The following ZFAND3 variants were observed in gnomAD, a reference collection of about 807,000 sequenced individuals.
The protein encoded by ZFAND3 is AN1-type zinc finger protein 3.
A neutral mutation model predicts 29.6 loss-of-function variants in ZFAND3; 10 were observed. The ratio of observed to expected loss-of-function variants is 0.34; its 90% CI spans 0.21 to 0.57. The LOEUF (loss-of-function observed/expected upper bound fraction) is 0.57. Ranked by LOEUF, ZFAND3 falls within the 20% of genes least tolerant of loss-of-function variation. ZFAND3 has a pLI of 0.86. For missense variants in ZFAND3, 230 were observed against 304.5 expected (o/e 0.76, Z 1.82); for synonymous variants, 128 against 112.6 (o/e 1.14, Z -0.87).
intron 2 of ZFAND3, among the ~76,000 whole-genome samples, chr6:37,956,759 G>T (rs972296223): frequency 1.3e-5 from 2 of 152,154 alleles, no homozygotes; most frequent in Admixed American, 1.3e-4. Context: ...GAATTTTATT[G>T]AGGCACTTGC....
At chr6:38,003,520 C>T (rs866743737) in intron 2 of ZFAND3, among the ~76,000 whole-genome samples, 16 of 148,860 alleles carry the variant, frequency 1.1e-4, no homozygotes, top group Middle Eastern at 3.2e-3. Flanking sequence ...TTTTTTGAGA[C>T]GGTGCCTCAC....
rs558075830 is a variant in ZFAND3 at position 37,993,645 on chromosome 6, A to G, written c.112+63646A>G. The stretch of plus-strand genomic sequence containing the variant: ...CTTGGCCTGTTTTATTTTTAAAGAG[A>G]CTGTTTTTCTCCAAATTATTGATAA... On this transcript the variant is annotated intron_variant, in intron 2 of 5. Transcript: ENST00000287218. Among the ~76,000 whole-genome samples, 4 of 152,216 alleles carry G rather than the reference A, an allele frequency of 2.6e-5. No homozygotes were observed. In the East Asian group the frequency reaches 7.7e-4, roughly 29 times the overall value.
chr6:38,008,542 C>G (rs896293636), intron 2 of ZFAND3, among the ~76,000 whole-genome samples: 1 of 152,110 alleles, frequency 6.6e-6, no homozygotes, highest in Non-Finnish European at 1.5e-5. Context: ...AGTTTGAGTG[C>G]TCTATTTAAA....
chr6:37,895,005 G>A (rs1244406695), intron 1 of ZFAND3, among the ~76,000 whole-genome samples: 1 of 151,922 alleles, frequency 6.6e-6, no homozygotes, highest in Admixed American at 6.6e-5. Flanking sequence ...TATTTTTTGT[G>A]TTTAGTTTTG....
At chr6:37,985,499 C>CCA (rs5875607) in intron 2 of ZFAND3, among the ~76,000 whole-genome samples, 38,619 of 141,380 alleles carry the variant, frequency 0.27, 5,467 homozygotes, top group Non-Finnish European at 0.35. Flanking sequence ...GCTTGTGGTT[C>CCA]CACACACACA....
intron 2 of ZFAND3, among the ~76,000 whole-genome samples, chr6:38,055,563 A>G (rs889971466): frequency 1.3e-5 from 2 of 152,204 alleles, no homozygotes; most frequent in African/African-American, 4.8e-5. Flanking sequence ...TGCTTGACTC[A>G]CAGGAGGCGC....
At chr6:38,051,378 C>T (rs573035791) in intron 2 of ZFAND3, among the ~76,000 whole-genome samples, 1 of 152,274 alleles carries the variant, frequency 6.6e-6, no homozygotes, top group Non-Finnish European at 1.5e-5. Context: ...TACTTTTCTA[C>T]TTTTCTATTC....
intron 3 of ZFAND3, among the ~76,000 whole-genome samples, chr6:38,079,799 A>G (rs1581899468): frequency 1.3e-5 from 2 of 152,150 alleles, no homozygotes; most frequent in Admixed American, 6.6e-5. Flanking sequence ...GCTGGTTTAT[A>G]AAAGTACACT....
chr6:37,847,882 A>C (rs1456793448), intron 1 of ZFAND3, among the ~76,000 whole-genome samples: 1 of 152,240 alleles, frequency 6.6e-6, no homozygotes, highest in African/African-American at 2.4e-5. Flanking sequence ...GAACACGGTC[A>C]TGCTCATTTA....
intron 2 of ZFAND3, among the ~76,000 whole-genome samples, chr6:38,039,142 T>G (rs541701504): frequency 1.1e-4 from 16 of 152,310 alleles, no homozygotes; most frequent in African/African-American, 3.8e-4. Flanking sequence ...TTCTTTGTGT[T>G]TTGTTAATAA....
chr6:37,926,802 C>A (rs941021484), intron 1 of ZFAND3, among the ~76,000 whole-genome samples: 2 of 152,106 alleles, frequency 1.3e-5, no homozygotes, highest in Non-Finnish European at 2.9e-5. Context: ...TGTTCCAAGA[C>A]CATGCAAGTT....
At chr6:38,040,289 C>G (rs1445792987) in intron 2 of ZFAND3, among the ~76,000 whole-genome samples, 1 of 152,080 alleles carries the variant, frequency 6.6e-6, no homozygotes, top group Non-Finnish European at 1.5e-5. Flanking sequence ...TGGTAAAATT[C>G]ACTTAACATA....
intron 2 of ZFAND3, among the ~76,000 whole-genome samples, chr6:37,963,152 C>T (rs115778344): frequency 0.037 from 5,598 of 152,214 alleles, 148 homozygotes; most frequent in Non-Finnish European, 0.057. Context: ...TTTAAGTCAG[C>T]GAGACCAAGA....
At chr6:38,114,673 G>T (rs553002255) in intron 4 of ZFAND3, among the ~76,000 whole-genome samples, 1 of 151,842 alleles carries the variant, frequency 6.6e-6, no homozygotes, top group African/African-American at 2.4e-5. Flanking sequence ...GGGTCCACTG[G>T]ACAATCTTGG....
intron 3 of ZFAND3, 75 bp from the exon 4 acceptor site, chr6:38,082,317 C>T (rs1479823486): frequency 1.5e-6 from 2 of 1,336,960 alleles, no homozygotes; most frequent in Admixed American, 4.5e-5. Flanking sequence ...TAAAGTTTCT[C>T]TTTACTCAGG....
chr6:38,109,211 C>T (rs931934720), intron 4 of ZFAND3, among the ~76,000 whole-genome samples: 1 of 139,874 alleles, frequency 7.1e-6, no homozygotes, highest in African/African-American at 2.7e-5. Context: ...GAGACAGAGT[C>T]TTGCTCTGTC....
At chr6:37,889,095 A>G (rs73419447) in intron 1 of ZFAND3, among the ~76,000 whole-genome samples, 10,221 of 152,258 alleles carry the variant, frequency 0.067, 411 homozygotes, top group Non-Finnish European at 0.085. Context: ...GGTTGGGTTC[A>G]GCAGCTCTGC....
At chr6:38,047,866 G>A (rs928665787) in intron 2 of ZFAND3, among the ~76,000 whole-genome samples, 1 of 151,714 alleles carries the variant, frequency 6.6e-6, no homozygotes, top group East Asian at 1.9e-4. Flanking sequence ...AAAGCCTGTA[G>A]ATTATAGGGT....
chr6:38,072,591 C>T (rs1278071505), intron 3 of ZFAND3, among the ~76,000 whole-genome samples: 2 of 152,176 alleles, frequency 1.3e-5, no homozygotes, highest in African/African-American at 4.8e-5. Flanking sequence ...TAATATGTGA[C>T]ACTGTGCTGA....
Sources: allele counts gnomAD v4.1 joint callset (sites outside exome capture counted in the v4.1 genomes callset), GRCh38; gene constraint gnomAD v4.1.1; transcripts MANE v1.5; gene names NCBI Gene and HGNC (gene_info 2026-07-23, HGNC 2026-07-21).